Variants in EML5 observed in about 807,000 individuals in gnomAD.
EML5 encodes echinoderm microtubule-associated protein-like 5.
In EML5, 120 loss-of-function variants were observed where a neutral mutation model predicts 250.0. The observed-to-expected ratio is 0.48, with a 90% CI of 0.41 to 0.56. The LOEUF (loss-of-function observed/expected upper bound fraction) is 0.56. Ranked by LOEUF, EML5 falls within the 20% of genes least tolerant of loss-of-function variation. The pLI, the probability that EML5 is intolerant of heterozygous loss-of-function variation, is 0.00. For synonymous variants in EML5, 771 were observed against 806.5 expected (o/e 0.96, Z 0.75); for missense variants, 2,006 against 2,437.6 (o/e 0.82, Z 3.73).
intron 17 of EML5, 140 bp from the exon 18 acceptor site, chr14:88,688,613 G>T: frequency 1.2e-6 from 1 of 807,742 alleles, no homozygotes; most frequent in Non-Finnish European, 2.0e-6. Flanking sequence ...AACTACAGGT[G>T]TCTCAATCAG....
chr14:88,646,887 A>G, intron 29 of EML5, 60 bp downstream of exon 29: 1 of 1,553,064 alleles, frequency 6.4e-7, no homozygotes, highest in South Asian at 1.2e-5. Flanking sequence ...TTAATGCTAA[A>G]TATGGAAGAT....
At chr14:88,732,785 T>C (rs916933181) in intron 7 of EML5, among the ~76,000 whole-genome samples, 6 of 152,182 alleles carry the variant, frequency 3.9e-5, no homozygotes, top group Admixed American at 1.3e-4. Context: ...AGAACCAAGA[T>C]TGAAATTTTT....
intron 17 of EML5, among the ~76,000 whole-genome samples, chr14:88,692,679 T>C (rs2092988196): frequency 6.6e-6 from 1 of 152,212 alleles, no homozygotes; most frequent in African/African-American, 2.4e-5. Flanking sequence ...TGCTGCGAAT[T>C]TGCAATTACA....
At chr14:88,637,124 TTC>T (rs1457722305) in intron 32 of EML5, among the ~76,000 whole-genome samples, 5 of 152,222 alleles carry the variant, frequency 3.3e-5, no homozygotes, top group Non-Finnish European at 5.9e-5. Flanking sequence ...AACAAAACAA[TTC>T]TCTTTATGTG....
intron 7 of EML5, among the ~76,000 whole-genome samples, chr14:88,736,108 C>A (rs1471758528): frequency 1.3e-5 from 2 of 150,380 alleles, no homozygotes; most frequent in African/African-American, 2.4e-5. Flanking sequence ...TCAAGCGATT[C>A]TCCTGCCTCA....
chr14:88,621,496 T>A, intron 37 of EML5, 195 bp from the exon 38 acceptor site: 1 of 609,408 alleles, frequency 1.6e-6, no homozygotes, highest in South Asian at 2.0e-5. Context: ...CACAATGGGC[T>A]AGATTACATA....
intron 15 of EML5, 97 bp from the exon 16 acceptor site, chr14:88,695,551 T>A: frequency 1.7e-6 from 2 of 1,142,854 alleles, no homozygotes; most frequent in East Asian, 5.3e-5. Context: ...ATATTTAAAA[T>A]TTGATAAAAT....
chr14:88,616,854 T>C lies in EML5; in HGVS notation c.5668A>G (p.Ile1890Val), dbSNP rs769822897. ...TSILGDEVLGIWSRHAEKADV... is the reference protein window; with the variant it reads ...TSILGDEVLGVWSRHAEKADV... ...GCTTTCTCAGCATGTCTGGACCAGA[T>C]TCCCAAAACCTCATCTCCTAGAATA... is the stretch of plus-strand genomic sequence containing the variant. The change falls in exon 42 of 44, where the codon ATC becomes GTC. Residue 1890 changes from isoleucine to valine, a missense_variant. Around this residue, in one of 7 missense-constraint regions of EML5, gnomAD observed 405 missense variants for 523.3 expected, o/e 0.77. Transcript: ENST00000554922. The C allele has an allele frequency of 1.7e-5, 27 of 1,613,814 alleles. No homozygotes were observed. The highest frequency in any genetic ancestry group is 2.1e-5 in the Non-Finnish European group (25 of 1,179,782).
rs2088837852 is a variant in EML5 at position 88,621,102 on chromosome 14, T to G, written c.5202+11A>C. On this transcript the variant is annotated intron_variant, in intron 38 of 43. Transcript: ENST00000554922. The stretch of plus-strand genomic sequence containing the variant: ...GTTGTAACCTCTTTTAAAAAAATTA[T>G]CTGTACTTACTTTATCAGCAATATC... The G allele has an allele frequency of 6.2e-7, 1 of 1,607,070 alleles. No individual in the cohort carries two copies. Among genetic ancestry groups the G allele is most frequent in the East Asian group, 2.2e-5 (1 of 44,796 alleles).
intron 6 of EML5, 48 bp from the exon 7 acceptor site, chr14:88,736,613 AG>A: frequency 6.4e-7 from 1 of 1,560,212 alleles, no homozygotes; most frequent in Non-Finnish European, 8.8e-7. Flanking sequence ...TAATAATGAT[AG>A]CAGCAGGAGG....
intron 1 of EML5, among the ~76,000 whole-genome samples, chr14:88,783,917 G>A (rs1005714884): frequency 6.6e-6 from 1 of 152,140 alleles, no homozygotes; most frequent in Admixed American, 6.5e-5. Context: ...TGGGTCATAA[G>A]ACAAGTCTTA....
At chr14:88,723,167 C>T (rs1317814818) in intron 8 of EML5, among the ~76,000 whole-genome samples, 3 of 152,270 alleles carry the variant, frequency 2.0e-5, no homozygotes, top group African/African-American at 2.4e-5. Flanking sequence ...AATCCCAGCA[C>T]TTTCAGCAGC....
chr14:88,777,647 G>A (rs1001247139), intron 1 of EML5, among the ~76,000 whole-genome samples: 4 of 152,096 alleles, frequency 2.6e-5, no homozygotes, highest in Admixed American at 6.6e-5. Context: ...TAAGACATAC[G>A]CAGTACAATA....
intron 31 of EML5, among the ~76,000 whole-genome samples, chr14:88,639,268 C>G (rs1013732472): frequency 6.6e-6 from 1 of 152,128 alleles, no homozygotes; most frequent in African/African-American, 2.4e-5. Context: ...GGGGAAGGGC[C>G]TTCTAGACAG....
intron 21 of EML5, among the ~76,000 whole-genome samples, chr14:88,680,111 A>T (rs1161157755): frequency 2.0e-5 from 3 of 152,188 alleles, no homozygotes; most frequent in Non-Finnish European, 4.4e-5. Flanking sequence ...AGCTATACTT[A>T]TATTATGATT....
chr14:88,690,569 A>C (rs1279336318), intron 17 of EML5, among the ~76,000 whole-genome samples: 1 of 152,238 alleles, frequency 6.6e-6, no homozygotes, highest in Admixed American at 6.5e-5. Flanking sequence ...TTTTCTAAAG[A>C]GAAAGAGAAC....
chr14:88,716,484 C>G lies in EML5; in HGVS notation c.1188-1289G>C, dbSNP rs904310250. Reference sequence around the variant, plus strand: ...CATCCATCCATCCATTCCTCCCTCCCTATATGGAGTAAGATTTTTAAGAAA... The same window carrying G: ...CATCCATCCATCCATTCCTCCCTCCGTATATGGAGTAAGATTTTTAAGAAA... On this transcript the variant is annotated intron_variant, in intron 8 of 43. Transcript: ENST00000554922. Among the ~76,000 whole-genome samples the G allele has an allele frequency of 2.6e-5, 4 of 152,128 alleles. No homozygotes were observed. In the East Asian group the frequency reaches 7.7e-4, roughly 29 times the overall value.
intron 21 of EML5, among the ~76,000 whole-genome samples, chr14:88,671,259 A>G (rs557899290): frequency 6.6e-6 from 1 of 152,340 alleles, no homozygotes; most frequent in East Asian, 1.9e-4. Flanking sequence ...AATATTCAAC[A>G]TTCTTAAAGA....
chr14:88,658,989 T>C (rs903734222), intron 25 of EML5, among the ~76,000 whole-genome samples: 2 of 152,180 alleles, frequency 1.3e-5, no homozygotes, highest in Non-Finnish European at 2.9e-5. Context: ...CATGTAAATA[T>C]CTTTCATCTC....
Sources: gnomAD v4.1 joint callset for allele counts (sites outside exome capture counted in the v4.1 genomes callset) on GRCh38, gnomAD v4.1.1 for gene constraint, gnomAD v4.1.1 regional missense constraint, MANE v1.5 for transcripts, NCBI Gene and HGNC (gene_info 2026-07-23, HGNC 2026-07-21) for gene names.